The following KAT14 variants were observed in gnomAD, a reference collection of about 807,000 sequenced individuals.
KAT14 encodes the protein lysine acetyltransferase 14.
Under a neutral mutation model 78.4 loss-of-function variants are expected in KAT14, and 66 were observed. That is an observed-to-expected ratio of 0.84 (90% CI 0.69 to 1.03). KAT14 has a LOEUF of 1.03. KAT14 is among the 50% of genes least tolerant of loss of function. KAT14 has a pLI of 0.00. For missense variants in KAT14, 870 were observed against 972.5 expected, an observed-to-expected ratio of 0.89 and a Z score of 1.40; for synonymous variants, 344 against 359.4, an observed-to-expected ratio of 0.96 and a Z score of 0.48.
At chr20:18,186,104 A>G (rs555080412) in intron 10 of KAT14, among the ~76,000 whole-genome samples, 11 of 152,166 alleles carry the variant, frequency 7.2e-5, no homozygotes, top group Non-Finnish European at 1.5e-4. Context: ...CAGGGCACGA[A>G]TAGTACTCTG....
At chr20:18,148,666 A>G (rs1265801084) in intron 3 of KAT14, among the ~76,000 whole-genome samples, 3 of 151,382 alleles carry the variant, frequency 2.0e-5, no homozygotes, top group Non-Finnish European at 2.9e-5. Flanking sequence ...CTGGAGTGCA[A>G]TGGCGCGATC....
At chr20:18,139,858 CTT>C (rs2037462585) in intron 1 of KAT14, among the ~76,000 whole-genome samples, 1 of 152,070 alleles carries the variant, frequency 6.6e-6, no homozygotes. Flanking sequence ...GTATTAAGCA[CTT>C]TATGTATATC....
chr20:18,149,055 A>C (rs2037941323), intron 3 of KAT14, among the ~76,000 whole-genome samples: 1 of 152,240 alleles, frequency 6.6e-6, no homozygotes. Flanking sequence ...TAGGGTCATA[A>C]AATGTCTCAA....
chr20:18,153,837 A>C (rs547369925), intron 4 of KAT14, among the ~76,000 whole-genome samples: 1 of 152,256 alleles, frequency 6.6e-6, no homozygotes, highest in Non-Finnish European at 1.5e-5. Flanking sequence ...TAAGTGGGAA[A>C]CCTATATAAA....
chr20:18,146,670 A>G (rs67116363), intron 3 of KAT14, among the ~76,000 whole-genome samples: 47,526 of 151,488 alleles, frequency 0.31, 7,800 homozygotes, highest in Non-Finnish European at 0.34. Flanking sequence ...AAAAAAAACC[A>G]AAAAAACAAA....
At chr20:18,141,023 A>ATTTTTTTTTTT (rs67633205) in intron 1 of KAT14, among the ~76,000 whole-genome samples, 320 of 48,562 alleles carry the variant, frequency 6.6e-3, no homozygotes, top group Non-Finnish European at 7.9e-3. Flanking sequence ...ACTCCCTGCA[A>ATTTTTTTTTTT]TTTTTTTTTT....
In KAT14 at chr20:18,150,939, A is replaced by G. The variant is rs961885270; in HGVS notation, c.497A>G (p.Asn166Ser). Residue 166 changes from asparagine (N) to serine (S), a missense_variant, in exon 4 of 11, where the codon AAT becomes AGT. Transcript: ENST00000688188. ...IEKHWTFLLGNRKKTSTWWST... is the reference protein window; with the variant it reads ...IEKHWTFLLGSRKKTSTWWST... ...AAACATTGGACTTTTTTACTAGGGA[A>G]TAGGTAATGTGTTTTTAAAAAATCT... The G allele has an allele frequency of 6.2e-7, 1 of 1,613,924 alleles. No homozygotes were observed. The highest frequency in any genetic ancestry group is 8.5e-7 in the Non-Finnish European group (1 of 1,179,830).
In KAT14 at chr20:18,183,301, A is replaced by G. The variant is rs778825405; in HGVS notation, c.1981+3A>G. The G allele has an allele frequency of 1.9e-6, 3 of 1,611,740 alleles. No individual in the cohort carries two copies. The highest frequency in any genetic ancestry group is 1.7e-5 in the Admixed American group (1 of 59,818). On this transcript the variant is annotated splice_donor_region_variant and intron_variant, in intron 9 of 10. Coordinates refer to ENST00000688188, the MANE Select transcript of KAT14 (RefSeq NM_001392073.1). The stretch of plus-strand genomic sequence containing the variant: ...GTGTCAGGAGTTTTTTTGGCCTGGT[A>G]TGTTCCCCCTCCCAAACCAGGCAGG...
chr20:18,149,958 C>A (rs1231376994), intron 3 of KAT14, among the ~76,000 whole-genome samples: 6 of 152,076 alleles, frequency 3.9e-5, no homozygotes, highest in South Asian at 4.2e-4. Context: ...CTCAAAAAAA[C>A]CAAACAAACA....
Position 18,181,782 on chromosome 20 carries a change from G to T in KAT14, c.1741G>T (p.Asp581Tyr), listed in dbSNP as rs1391517970. ...TTTGTATCGCTTGGTAGGATCAGAA[G>T]ATATGGCTGTGGACCAGAGTATTGT... ...KFLYRLVGSE[D>Y]MAVDQSIVSP... The change falls in exon 8 of 11, where the codon GAT (aspartate) becomes TAT (tyrosine). Residue 581 changes from aspartate to tyrosine, a missense_variant. By Grantham distance (160) the Asp-to-Tyr change is radical. Transcript: ENST00000688188. 1.2e-6 allele frequency: 2 copies of T among 1,614,084 alleles called. No homozygotes were observed. The highest frequency in any genetic ancestry group is 2.2e-5 in the South Asian group (2 of 91,088).
At position 18,162,143 on chromosome 20, in the gene KAT14, G is replaced by A. The variant is rs770349462; in HGVS notation, c.1003G>A (p.Ala335Thr). The change falls in exon 6 of 11, where the codon GCC (alanine) becomes ACC (threonine). Residue 335 changes from alanine (A) to threonine (T), a missense_variant. Ala to Thr is a moderately conservative substitution (Grantham distance 58). Coordinates refer to ENST00000688188, the MANE Select transcript of KAT14 (RefSeq NM_001392073.1). The stretch of plus-strand genomic sequence containing the variant: ...TCCTTCTCCTTCTCTGGATTTCTCT[G>A]CCCCTGGTACACCTGCCTCTCATTC... Reference protein sequence around the residue: ...PSPSPSLDFSAPGTPASHSAT... With the variant: ...PSPSPSLDFSTPGTPASHSAT... 6.2e-7 allele frequency: 1 copy of A among 1,614,060 alleles called. No individual in the cohort carries two copies. Among genetic ancestry groups the A allele is most frequent in the African/African-American group, 1.3e-5 (1 of 74,908 alleles).
intron 7 of KAT14, among the ~76,000 whole-genome samples, chr20:18,178,753 AC>A (rs35345453): frequency 0.3 from 46,063 of 151,910 alleles, 8,064 homozygotes; most frequent in Non-Finnish European, 0.41. Context: ...ATATCATTCC[AC>A]CCCTGGCCTC....
intron 7 of KAT14, among the ~76,000 whole-genome samples, chr20:18,179,768 T>A (rs2039180860): frequency 6.6e-6 from 1 of 152,178 alleles, no homozygotes; most frequent in African/African-American, 2.4e-5. Flanking sequence ...AAAAAATAGG[T>A]TTTTCTTTTC....
Position 18,162,089 on chromosome 20 carries a change from T to G in KAT14, c.949T>G (p.Ser317Ala). 6.2e-7 allele frequency: 1 copy of G among 1,614,246 alleles called. No homozygotes were observed. The highest frequency in any genetic ancestry group is 8.5e-7 in the Non-Finnish European group (1 of 1,180,046). Residue 317 changes from serine (S) to alanine (A), a missense_variant, in exon 6 of 11, where the codon TCT (serine) becomes GCT (alanine). Transcript: ENST00000688188. Reference sequence around the variant, plus strand: ...GATTGACTTTTCCTCCTTGAGCTCCTCTGACCGCACCCCGCTGACAAGCCC... The same window carrying G: ...GATTGACTTTTCCTCCTTGAGCTCCGCTGACCGCACCCCGCTGACAAGCCC... ...EVIDFSSLSS[S>A]DRTPLTSPSP...
At chr20:18,172,585 T>C (rs1485990049) in intron 7 of KAT14, among the ~76,000 whole-genome samples, 1 of 152,178 alleles carries the variant, frequency 6.6e-6, no homozygotes, top group Non-Finnish European at 1.5e-5. Context: ...AATTTTTATA[T>C]GCACTGGGAC....
In KAT14 at chr20:18,162,051, A is replaced by G; in HGVS notation, c.911A>G (p.Glu304Gly). Residue 304 changes from glutamate to glycine, a missense_variant, in exon 6 of 11, where the codon GAA becomes GGA. Coordinates refer to ENST00000688188, the MANE Select transcript of KAT14 (RefSeq NM_001392073.1). ...SRGRRPDVIL[E>G]KGEVIDFSSL... The stretch of plus-strand genomic sequence containing the variant: ...GGCCGCAGGCCAGATGTGATTCTGG[A>G]AAAAGGCGAAGTGATTGACTTTTCC... 5 of 1,614,230 alleles carry G rather than the reference A, an allele frequency of 3.1e-6. 1 individual carries two copies. The South Asian group carries it at 5.5e-5, about 18-fold the overall frequency.
chr20:18,179,324 G>T (rs554310501), intron 7 of KAT14, among the ~76,000 whole-genome samples: 4 of 152,310 alleles, frequency 2.6e-5, no homozygotes, highest in African/African-American at 9.6e-5. Flanking sequence ...ACTCTGTGTG[G>T]GGGCTCTGAC....
chr20:18,187,503 A>G lies in KAT14; in HGVS notation c.*44A>G, dbSNP rs764231276. The G allele has an allele frequency of 2.5e-6, 4 of 1,610,664 alleles. No individual in the cohort carries two copies. The highest frequency in any genetic ancestry group is 3.4e-6 in the Non-Finnish European group (4 of 1,179,092). ...AGAAACGCATGTGCTATTGGAGAAC[A>G]GGTCTTTGTGGAGATCTAAAGGCAG... On this transcript the variant is annotated 3_prime_UTR_variant, in exon 11 of 11. Transcript: ENST00000688188.
intron 7 of KAT14, among the ~76,000 whole-genome samples, chr20:18,178,605 A>G (rs1427673355): frequency 1.3e-5 from 2 of 152,186 alleles, no homozygotes; most frequent in African/African-American, 2.4e-5. Flanking sequence ...CGTGAGACTT[A>G]TTCACTACCA....
Sources: gnomAD v4.1 joint callset for allele counts (sites outside exome capture counted in the v4.1 genomes callset) on GRCh38, gnomAD v4.1.1 for gene constraint, MANE v1.5 for transcripts, NCBI Gene and HGNC (gene_info 2026-07-23, HGNC 2026-07-21) for gene names.